The following EXOSC5 variants were observed in gnomAD, a reference collection of about 807,000 sequenced individuals.
The protein encoded by EXOSC5 is exosome component 5, also known as exosome complex component RRP46.
In EXOSC5, 15 loss-of-function variants were observed where a neutral mutation model predicts 23.7. That is an observed-to-expected ratio of 0.63 (90% CI 0.42 to 0.97). The LOEUF (loss-of-function observed/expected upper bound fraction) is 0.97, where lower values mean the gene tolerates loss of function less well. Among genes scored for constraint, EXOSC5 ranks in the 50% least tolerant of loss-of-function variants. The probability of loss-of-function intolerance (pLI) is 0.00; values close to 1 mark genes in which losing one functional copy is unlikely to be tolerated. For missense variants in EXOSC5, 305 were observed against 316.3 expected (o/e 0.96, Z 0.27); for synonymous variants, 143 against 140.9 (o/e 1.02, Z -0.11).
Position 41,386,734 on chromosome 19 carries a change from G to T in EXOSC5, c.616-9C>A. 1 of 1,577,146 alleles carries T rather than the reference G, an allele frequency of 6.3e-7. No individual in the cohort carries two copies. On this transcript the variant is annotated splice_polypyrimidine_tract_variant and intron_variant, in intron 5 of 5. Transcript: ENST00000221233. ...GCCAGGCACTGCTGGAGCTGCGGGG[G>T]AGAGACTGGTCGGTGCTGGGGGCCG... is the stretch of plus-strand genomic sequence containing the variant.
At chr19:41,394,557 C>T (rs1371571307) in intron 1 of EXOSC5, among the ~76,000 whole-genome samples, 1 of 151,734 alleles carries the variant, frequency 6.6e-6, no homozygotes, top group African/African-American at 2.4e-5. Context: ...CTCTGTCACC[C>T]AGGAGGCTGG....
chr19:41,389,260 T>C (rs1318415592), intron 4 of EXOSC5, among the ~76,000 whole-genome samples: 1 of 151,400 alleles, frequency 6.6e-6, no homozygotes, highest in Non-Finnish European at 1.5e-5. Flanking sequence ...ATTTCCTTTC[T>C]AGTTTATTTA....
intron 4 of EXOSC5, among the ~76,000 whole-genome samples, 198 bp downstream of exon 4, chr19:41,389,567 A>G (rs2039007880): frequency 6.6e-6 from 1 of 152,190 alleles, no homozygotes. Flanking sequence ...TCCCGGCCCC[A>G]CATTTCCTTC....
chr19:41,396,326 C>T (rs1415167977), intron 1 of EXOSC5, among the ~76,000 whole-genome samples: 1 of 152,098 alleles, frequency 6.6e-6, no homozygotes, highest in Non-Finnish European at 1.5e-5. Context: ...TGTCCTGCCT[C>T]AGCCTCCCGA....
Position 41,386,629 on chromosome 19 carries a change from T to C in EXOSC5, c.*4A>G. 6.3e-7 allele frequency: 1 copy of C among 1,579,714 alleles called. No homozygotes were observed. The highest frequency in any genetic ancestry group is 8.6e-7 in the Non-Finnish European group (1 of 1,162,674). ...ATGGGAGCGGCCCCTTGCCCCAGCT[T>C]GCCTCAGCTCTTGGAGTAACGCCTC... On this transcript the variant is annotated 3_prime_UTR_variant, in exon 6 of 6. Coordinates refer to ENST00000221233, the MANE Select transcript of EXOSC5 (RefSeq NM_020158.4).
At chr19:41,387,656 A>G (rs1307582897) in intron 4 of EXOSC5, 53 bp from the exon 5 acceptor site, 1 of 1,349,444 alleles carries the variant, frequency 7.4e-7, no homozygotes, top group Non-Finnish European at 1.0e-6. Flanking sequence ...CCCCTCAGAT[A>G]AAATCTCAGC....
In EXOSC5 at chr19:41,392,922, C is replaced by T. The variant is rs1451562105; in HGVS notation, c.207G>A (p.Glu69=). The T allele has an allele frequency of 1.2e-6, 2 of 1,613,892 alleles. No homozygotes were observed. The highest frequency in any genetic ancestry group is 1.7e-6 in the Non-Finnish European group (2 of 1,180,030). The part of the protein sequence containing the change: ...YGPAEVKVSK[E]IFNKATLEVI... ...CTTCGAGTGTGGCCTTGTTGAAAATCTCTTTGCTGACCTTCACCTCGGCCG... is the reference window on the plus strand; with the variant it reads ...CTTCGAGTGTGGCCTTGTTGAAAATTTCTTTGCTGACCTTCACCTCGGCCG... Residue 69 remains glutamate (E), a synonymous_variant, in exon 2 of 6, where the codon GAG becomes GAA. Coordinates refer to ENST00000221233, the MANE Select transcript of EXOSC5 (RefSeq NM_020158.4).
chr19:41,387,406 T>G (rs2123218678), intron 5 of EXOSC5, 108 bp downstream of exon 5: 1 of 866,696 alleles, frequency 1.2e-6, no homozygotes, highest in Non-Finnish European at 1.7e-6. Flanking sequence ...AAGAAGAAAT[T>G]TAAGAGGCTC....
At chr19:41,388,794 G>A (rs187646484) in intron 4 of EXOSC5, among the ~76,000 whole-genome samples, 13 of 152,218 alleles carry the variant, frequency 8.5e-5, no homozygotes, top group Admixed American at 3.3e-4. Context: ...CTCTCTTCTC[G>A]TTTGCTTTTG....
intron 3 of EXOSC5, among the ~76,000 whole-genome samples, chr19:41,390,528 G>A: frequency 6.6e-6 from 1 of 152,218 alleles, no homozygotes; most frequent in East Asian, 1.9e-4. Context: ...TTGGCAAATA[G>A]GGTCAGAGAG....
At chr19:41,397,149 C>T (rs1265908096) in intron 1 of EXOSC5, 32 bp downstream of exon 1, 3 of 1,609,980 alleles carry the variant, frequency 1.9e-6, no homozygotes, top group Non-Finnish European at 2.5e-6. Flanking sequence ...GGTAGTCCCT[C>T]TCCAAAAGAA....
rs1366116495 is a variant in EXOSC5, at chr19:41,387,565, C to T, written c.564G>A (p.Val188=). ...TGCTGGACATCAGCAGCTTCCGTTC[C>T]ACGCTGTCCAGGGCAAAGGTCAGGA... ...RAVLTFALDS[V]ERKLLMSSTK... The change falls in exon 5 of 6, where the codon GTG becomes GTA. Residue 188 remains valine, a synonymous_variant. Coordinates refer to ENST00000221233, the MANE Select transcript of EXOSC5 (RefSeq NM_020158.4). 18 of 1,606,920 alleles carry T rather than the reference C, an allele frequency of 1.1e-5. No individual in the cohort carries two copies. Among genetic ancestry groups the T allele is most frequent in the Non-Finnish European group, 1.5e-5 (18 of 1,177,248 alleles).
chr19:41,393,653 G>A (rs186616483), intron 1 of EXOSC5, among the ~76,000 whole-genome samples: 150 of 151,998 alleles, frequency 9.9e-4, no homozygotes, highest in South Asian at 1.9e-3. Flanking sequence ...TCTGCCTCCC[G>A]GGTTCAAGCA....
At chr19:41,394,997 G>A (rs956028596) in intron 1 of EXOSC5, among the ~76,000 whole-genome samples, 1 of 147,240 alleles carries the variant, frequency 6.8e-6, no homozygotes, top group Non-Finnish European at 1.5e-5. Context: ...TCACTTCACT[G>A]CACTCCAGCC....
chr19:41,395,973 G>C (rs190262045), intron 1 of EXOSC5, among the ~76,000 whole-genome samples: 1 of 152,064 alleles, frequency 6.6e-6, no homozygotes, highest in Non-Finnish European at 1.5e-5. Context: ...AGTTTTGTCC[G>C]TATTACTTTC....
intron 3 of EXOSC5, among the ~76,000 whole-genome samples, 172 bp from the exon 4 acceptor site, chr19:41,390,077 C>T (rs1320903036): frequency 6.6e-6 from 1 of 152,102 alleles, no homozygotes; most frequent in Non-Finnish European, 1.5e-5. Context: ...GGATTACAGG[C>T]ACCCACCACC....
rs756993318 is a variant in EXOSC5, at chr19:41,397,342, C to G, written c.-14G>C. ...CTCCTCCTCCATCGCGCCGAGCCCA[C>G]GTGCGGCTGCAGTTGTCACTTCCGC... is the stretch of plus-strand genomic sequence containing the variant. On this transcript the variant is annotated 5_prime_UTR_variant, in exon 1 of 6. Coordinates refer to ENST00000221233, the MANE Select transcript of EXOSC5 (RefSeq NM_020158.4). The G allele has an allele frequency of 5.6e-6, 9 of 1,604,266 alleles. No individual in the cohort carries two copies. The South Asian group carries it at 8.9e-5, about 16-fold the overall frequency.
chr19:41,391,821 A>G lies in EXOSC5; in HGVS notation c.384+20T>C. ...CAATCAGGAGACTTCCTGGAGGAGG[A>G]GGCCTGGCAGAAAGGATACAGAGCC... On this transcript the variant is annotated intron_variant, in intron 3 of 5. Coordinates refer to ENST00000221233, the MANE Select transcript of EXOSC5 (RefSeq NM_020158.4). 1.3e-6 allele frequency: 2 copies of G among 1,490,668 alleles called. No homozygotes were observed. The highest frequency in any genetic ancestry group is 1.4e-5 in the South Asian group (1 of 73,258). The allele number at this position is 1,490,668 out of a possible 1,614,324, so 92.3% of individuals were successfully genotyped here.
intron 1 of EXOSC5, among the ~76,000 whole-genome samples, chr19:41,395,429 C>T (rs1473741693): frequency 1.3e-5 from 2 of 152,184 alleles, no homozygotes; most frequent in Non-Finnish European, 2.9e-5. Context: ...GTTGACCCCA[C>T]AACAATCTAC....
Sources: gnomAD v4.1 joint callset for allele counts (sites outside exome capture counted in the v4.1 genomes callset) on GRCh38, gnomAD v4.1.1 for gene constraint, MANE v1.5 for transcripts, NCBI Gene and HGNC (gene_info 2026-07-23, HGNC 2026-07-21) for gene names.